The following CEP104 variants were observed in gnomAD, a reference collection of about 807,000 sequenced individuals.
CEP104 encodes centrosomal protein of 104 kDa.
Under a neutral mutation model 113.3 loss-of-function variants are expected in CEP104, and 84 were observed. The observed-to-expected ratio is 0.74, with a 90% CI of 0.62 to 0.89. The LOEUF (loss-of-function observed/expected upper bound fraction) is 0.89, where lower values mean the gene tolerates loss of function less well. CEP104 is among the 40% of genes least tolerant of loss of function. The pLI is 0.00. For synonymous variants in CEP104, 378 were observed against 421.7 expected (o/e 0.90, Z 1.27); for missense variants, 1,053 against 1,156.6 (o/e 0.91, Z 1.30).
In CEP104 at chr1:3,856,949, G is replaced by A. The variant is rs1387213755; in HGVS notation, c.-75C>T. On this transcript the variant is annotated 5_prime_UTR_variant, in exon 1 of 22. Coordinates refer to ENST00000378230, the MANE Select transcript of CEP104 (RefSeq NM_014704.4). ...CGGCCCCGGTGGAGAGGGCGGCTGG[G>A]TCGGAGCGGTGCCGCGGCCCGGGGA... 4 of 151,988 alleles carry A rather than the reference G, an allele frequency of 2.6e-5. No individual in the cohort carries two copies. The highest frequency in any genetic ancestry group is 7.2e-5 in the African/African-American group (3 of 41,400). The allele number at this position is 151,988 out of a possible 1,614,324, so 9.4% of individuals were successfully genotyped here.
At chr1:3,851,160 C>G (rs1441912113) in intron 2 of CEP104, among the ~76,000 whole-genome samples, 1 of 152,190 alleles carries the variant, frequency 6.6e-6, no homozygotes, top group Non-Finnish European at 1.5e-5. Context: ...GACGCTGGCT[C>G]GCCTGCAATC....
intron 6 of CEP104, chr1:3,843,263 G>T (rs1002280482): frequency 1.4e-6 from 1 of 710,644 alleles, no homozygotes; most frequent in African/African-American, 1.8e-5. Flanking sequence ...GGGTGACCGA[G>T]GATGGCACAG....
At chr1:3,856,680 CCGGCATA>C (rs1180224429) in intron 1 of CEP104, among the ~76,000 whole-genome samples, 1 of 152,190 alleles carries the variant, frequency 6.6e-6, no homozygotes, top group African/African-American at 2.4e-5. Flanking sequence ...GCTGAGCTCC[CCGGCATA>C]CGGCACGACG....
rs1242577467 is a variant in CEP104, at chr1:3,815,531, A to G, written c.2663-14T>C. The G allele has an allele frequency of 2.0e-5, 31 of 1,569,814 alleles. No homozygotes were observed. Among genetic ancestry groups the G allele is most frequent in the Non-Finnish European group, 2.7e-5 (31 of 1,155,228 alleles). On this transcript the variant is annotated splice_polypyrimidine_tract_variant and intron_variant, in intron 21 of 21. Coordinates refer to ENST00000378230, the MANE Select transcript of CEP104 (RefSeq NM_014704.4). ...CTGAGCTTTTCCCTGCAGAGCAAGC[A>G]CAGGACCTGCATTAGGAGGGGCACT...
intron 6 of CEP104, among the ~76,000 whole-genome samples, chr1:3,844,213 A>G (rs917810889): frequency 6.6e-6 from 1 of 152,240 alleles, no homozygotes; most frequent in Non-Finnish European, 1.5e-5. Context: ...TGCTGATAAA[A>G]TATCAAAGGA....
chr1:3,830,192 T>G (rs1366035522), intron 13 of CEP104, among the ~76,000 whole-genome samples, 195 bp from the exon 14 acceptor site: 2 of 152,054 alleles, frequency 1.3e-5, no homozygotes, highest in Non-Finnish European at 2.9e-5. Flanking sequence ...TCATCACGCT[T>G]GTTTTGGATC....
intron 15 of CEP104, among the ~76,000 whole-genome samples, chr1:3,827,520 G>A (rs9424310): frequency 0.47 from 71,565 of 152,086 alleles, 19,821 homozygotes; most frequent in African/African-American, 0.76. Context: ...GCGTCTGGCC[G>A]AGAGTATGAT....
At chr1:3,816,434 C>T (rs1289557268) in intron 20 of CEP104, 64 bp from the exon 21 acceptor site, 7 of 1,322,406 alleles carry the variant, frequency 5.3e-6, no homozygotes, top group Non-Finnish European at 7.2e-6. Flanking sequence ...CTACCTGAGA[C>T]CCAAAAGGAC....
chr1:3,841,798 T>C (rs1228288239), intron 6 of CEP104, among the ~76,000 whole-genome samples: 2 of 152,252 alleles, frequency 1.3e-5, no homozygotes, highest in Non-Finnish European at 2.9e-5. Flanking sequence ...GCAACAGATT[T>C]AAAGTCTAAA....
intron 6 of CEP104, chr1:3,843,179 A>C: frequency 1.4e-6 from 1 of 704,548 alleles, no homozygotes; most frequent in Non-Finnish European, 2.6e-6. Flanking sequence ...TCTGGAATGG[A>C]GTCCCCTCAT....
intron 18 of CEP104, among the ~76,000 whole-genome samples, chr1:3,824,612 T>C (rs149581139): frequency 1.6e-4 from 24 of 152,234 alleles, no homozygotes; most frequent in Middle Eastern, 3.4e-3. Flanking sequence ...CACATCCACG[T>C]GTATAAAGAA....
At position 3,836,479 on chromosome 1, in the gene CEP104, T is replaced by TG. The variant is rs1553162954; in HGVS notation, c.1317+15_1317+16insC. The TG allele has an allele frequency of 4.8e-6, 7 of 1,463,722 alleles. No individual in the cohort carries two copies. The highest frequency in any genetic ancestry group is 4.7e-5 in the East Asian group (2 of 42,282). The allele number at this position is 1,463,722 out of a possible 1,614,324, so 90.7% of individuals were successfully genotyped here. On this transcript the variant is annotated intron_variant, in intron 10 of 21. Transcript: ENST00000378230. The stretch of plus-strand genomic sequence containing the variant: ...CCCTCTGCCACCCCGTTTTTTTTTT[T>TG]TTTTTTTTTTTTTACCAAGGTTTCT...
chr1:3,856,513 G>C (rs1391805912), intron 1 of CEP104, among the ~76,000 whole-genome samples: 2 of 152,242 alleles, frequency 1.3e-5, no homozygotes, highest in African/African-American at 2.4e-5. Context: ...AATCTCTATA[G>C]GGACAGAGCA....
At chr1:3,838,341 G>A (rs1245925941) in intron 8 of CEP104, among the ~76,000 whole-genome samples, 1 of 151,930 alleles carries the variant, frequency 6.6e-6, no homozygotes, top group Non-Finnish European at 1.5e-5. Context: ...TGTAGAGACA[G>A]GGTCTCTCTA....
intron 11 of CEP104, among the ~76,000 whole-genome samples, chr1:3,834,509 C>T (rs574660709): frequency 6.6e-6 from 1 of 152,330 alleles, no homozygotes; most frequent in Non-Finnish European, 1.5e-5. Context: ...CTTCAGTGGG[C>T]TGTTAGAAGC....
At chr1:3,828,429 G>A (rs959777466) in intron 15 of CEP104, among the ~76,000 whole-genome samples, 2 of 152,122 alleles carry the variant, frequency 1.3e-5, no homozygotes, top group African/African-American at 4.8e-5. Context: ...GAAATGTCAC[G>A]GTGACTTTTT....
At chr1:3,815,968 T>G (rs906045449) in intron 21 of CEP104, among the ~76,000 whole-genome samples, 3 of 152,202 alleles carry the variant, frequency 2.0e-5, no homozygotes, top group African/African-American at 7.2e-5. Flanking sequence ...CCACTGTGCC[T>G]GGCCAGCTTC....
Position 3,844,909 on chromosome 1 carries a change from G to C in CEP104, c.564C>G (p.Ala188=), listed in dbSNP as rs1224010586. ...TTGATGGGGAGCAGGACTCTTACCTGGCGTACGTTCCTTCTAGAGCAGGGT... is the reference window on the plus strand; with the variant it reads ...TTGATGGGGAGCAGGACTCTTACCTCGCGTACGTTCCTTCTAGAGCAGGGT... ...SEDPALEGTY[A]RKSDYISPLD... is the part of the protein sequence containing the mutation. The change falls in exon 6 of 22, where the codon GCC becomes GCG. Residue 188 remains alanine, a splice_region_variant and synonymous_variant. Coordinates refer to ENST00000378230, the MANE Select transcript of CEP104 (RefSeq NM_014704.4). 1.2e-6 allele frequency: 2 copies of C among 1,612,550 alleles called. No individual in the cohort carries two copies. Among genetic ancestry groups the C allele is most frequent in the East Asian group, 4.5e-5 (2 of 44,880 alleles).
chr1:3,836,439 A>G, intron 10 of CEP104, 56 bp downstream of exon 10: 1 of 1,557,880 alleles, frequency 6.4e-7, no homozygotes. Context: ...TGTGCGTACC[A>G]TATAGACTAG....
Sources: gnomAD v4.1 joint callset for allele counts (sites outside exome capture counted in the v4.1 genomes callset) on GRCh38, gnomAD v4.1.1 for gene constraint, MANE v1.5 for transcripts, NCBI Gene and HGNC (gene_info 2026-07-23, HGNC 2026-07-21) for gene names.